RNF130: variants seen among roughly 807,000 people sequenced by gnomAD.
RNF130 encodes E3 ubiquitin-protein ligase RNF130.
In RNF130, 21 loss-of-function variants were observed where a neutral mutation model predicts 44.6. The observed-to-expected ratio is 0.47, with a 90% confidence interval of 0.33 to 0.68. RNF130 has a LOEUF of 0.68. Among genes scored for constraint, RNF130 ranks in the 30% least tolerant of loss-of-function variants. The pLI, the probability that RNF130 is intolerant of heterozygous loss-of-function variation, is 0.02. For synonymous variants in RNF130, 214 were observed against 210.4 expected, an observed-to-expected ratio of 1.02 and a Z score of -0.15; for missense variants, 479 against 560.6, an observed-to-expected ratio of 0.85 and a Z score of 1.47.
chr5:179,981,598 T>C (rs1195474740), intron 3 of RNF130, among the ~76,000 whole-genome samples: 1 of 152,226 alleles, frequency 6.6e-6, no homozygotes, highest in Non-Finnish European at 1.5e-5. Context: ...ATGGCAAGCA[T>C]CACATAATTT....
At chr5:180,037,782 A>G (rs1272079455) in intron 2 of RNF130, among the ~76,000 whole-genome samples, 1 of 152,238 alleles carries the variant, frequency 6.6e-6, no homozygotes, top group African/African-American at 2.4e-5. Flanking sequence ...ATTTCTCTCC[A>G]AAGTATTGTT....
chr5:180,047,471 G>T (rs956176781), intron 1 of RNF130, among the ~76,000 whole-genome samples: 1 of 152,096 alleles, frequency 6.6e-6, no homozygotes, highest in Non-Finnish European at 1.5e-5. Flanking sequence ...CTGGCCCGGC[G>T]TGGTGGTTCA....
intron 1 of RNF130, among the ~76,000 whole-genome samples, chr5:180,070,593 A>G (rs1765229580): frequency 6.6e-6 from 1 of 152,220 alleles, no homozygotes; most frequent in Non-Finnish European, 1.5e-5. Flanking sequence ...TCAGGGTGAC[A>G]ATGAGGGTGG....
At chr5:179,996,218 T>C (rs1437006376) in intron 3 of RNF130, among the ~76,000 whole-genome samples, 9 of 152,352 alleles carry the variant, frequency 5.9e-5, no homozygotes, top group Admixed American at 5.2e-4. Context: ...TTGGTGGCTA[T>C]TGTAAATAAG....
chr5:179,929,785 A>G (rs1327957683), intron 7 of RNF130, among the ~76,000 whole-genome samples: 1 of 151,756 alleles, frequency 6.6e-6, no homozygotes, highest in South Asian at 2.1e-4. Context: ...GTCCAGTTTC[A>G]ATACACACAC....
At chr5:179,924,697 G>A (rs1041807892) in intron 7 of RNF130, among the ~76,000 whole-genome samples, 9 of 152,152 alleles carry the variant, frequency 5.9e-5, no homozygotes, top group Admixed American at 5.2e-4. Context: ...GCTAAGGCAG[G>A]AGAATTGCTT....
chr5:179,944,675 T>C lies in RNF130; in HGVS notation c.1150+22131A>G, dbSNP rs116608731. On this transcript the variant is annotated intron_variant, in intron 7 of 7. Coordinates refer to the RNF130 transcript ENST00000522208. ...TCCTCAGGGGGCTGAGGTGGGAGGA[T>C]CTCTTGAGTCCCAGAGTTTGAGGCT... Among the ~76,000 whole-genome samples, 1,040 of 151,624 alleles carry C rather than the reference T, an allele frequency of 6.9e-3. 16 individuals carry two copies. The highest frequency in any genetic ancestry group is 0.024 in the African/African-American group (1,009 of 41,324).
At chr5:179,920,426 C>T (rs745381208) in exon 8 of RNF130, 2 of 702,274 alleles carry the variant, frequency 2.8e-6, no homozygotes, top group South Asian at 3.0e-5. Context: ...GAAGTGACCA[C>T]CTGGAAAAGG....
At chr5:179,937,093 GATATCATTAAAACGAA>G (rs1263544224) in intron 7 of RNF130, among the ~76,000 whole-genome samples, 2 of 91,914 alleles carry the variant, frequency 2.2e-5, no homozygotes, top group South Asian at 8.1e-4. Context: ...AGACAAATTG[GATATCATTAAAACGAA>G]ATATCATCAA....
At chr5:179,918,366 C>G (rs1325098321) in exon 8 of RNF130, 1 of 152,154 alleles carries the variant, frequency 6.6e-6, no homozygotes, top group Admixed American at 6.5e-5. Flanking sequence ...TGGAATTTAA[C>G]GTATACACAT....
At chr5:179,941,318 C>T (rs750456972) in intron 7 of RNF130, among the ~76,000 whole-genome samples, 19 of 152,138 alleles carry the variant, frequency 1.2e-4, no homozygotes, top group Non-Finnish European at 2.2e-4. Flanking sequence ...CTGGAAGTGA[C>T]GTATCACTTT....
chr5:180,071,092 G>A (rs956149149), intron 1 of RNF130, among the ~76,000 whole-genome samples: 2 of 152,046 alleles, frequency 1.3e-5, no homozygotes, highest in South Asian at 2.1e-4. Flanking sequence ...GGAACCTGCC[G>A]CTTCCAAAAT....
intron 8 of RNF130, among the ~76,000 whole-genome samples, chr5:179,962,184 A>T (rs568030029): frequency 3.3e-4 from 50 of 152,334 alleles, no homozygotes; most frequent in South Asian, 1.9e-3. Flanking sequence ...CTGCTGGATG[A>T]GGTGCAGTGC....
downstream of RNF130, among the ~76,000 whole-genome samples, chr5:179,953,986 C>A (rs920538417): frequency 6.6e-6 from 1 of 152,158 alleles, no homozygotes. Flanking sequence ...CCAAAAAGCA[C>A]ATGAAAAGAT....
intron 3 of RNF130, among the ~76,000 whole-genome samples, chr5:180,005,199 G>A (rs1035728756): frequency 2.0e-5 from 3 of 152,144 alleles, no homozygotes; most frequent in Non-Finnish European, 4.4e-5. Flanking sequence ...AGGCCGAGGC[G>A]GGTGGATCAC....
In RNF130 at chr5:179,955,292, C is replaced by T. The variant is rs767816686; in HGVS notation, c.*362G>A. The T allele has an allele frequency of 1.5e-5, 3 of 196,278 alleles. No individual in the cohort carries two copies. The highest frequency in any genetic ancestry group is 3.1e-5 in the Non-Finnish European group (3 of 97,622). The allele number at this position is 196,278 out of a possible 1,614,324, so 12.2% of individuals were successfully genotyped here. A position where few individuals can be genotyped will look rare whatever the true frequency, so the allele number is the denominator to read the frequency against. On this transcript the variant is annotated 3_prime_UTR_variant, in exon 9 of 9. Transcript: ENST00000521389. ...AGCGGCATCACCAGCAGGATGTCCC[C>T]GCTCTTGCGCCCTATGTGGGTAGGA...
chr5:180,066,399 C>T (rs1765108243), intron 1 of RNF130, among the ~76,000 whole-genome samples: 1 of 152,150 alleles, frequency 6.6e-6, no homozygotes, highest in African/African-American at 2.4e-5. Flanking sequence ...TTTTTCTTCC[C>T]AGTCTCAGGT....
intron 2 of RNF130, among the ~76,000 whole-genome samples, chr5:180,027,757 A>T (rs1045901810): frequency 1.3e-5 from 2 of 152,008 alleles, no homozygotes; most frequent in Non-Finnish European, 2.9e-5. Context: ...CTCCCACCCA[A>T]TGCTTCCTGC....
intron 3 of RNF130, among the ~76,000 whole-genome samples, chr5:180,010,817 G>A (rs1237359936): frequency 2.6e-5 from 4 of 152,070 alleles, no homozygotes; most frequent in Admixed American, 1.3e-4. Context: ...TATCCTGACC[G>A]TGTTGTTGGT....
Sources: gnomAD v4.1 joint callset for allele counts (sites outside exome capture counted in the v4.1 genomes callset) on GRCh38, gnomAD v4.1.1 for gene constraint, MANE v1.5 for transcripts, NCBI Gene and HGNC (gene_info 2026-07-23, HGNC 2026-07-21) for gene names.